GJA4: variants seen among roughly 807,000 people sequenced by gnomAD.
GJA4 encodes gap junction alpha-4 protein.
Under a neutral mutation model 25.1 loss-of-function variants are expected in GJA4, and 13 were observed. The ratio of observed to expected loss-of-function variants is 0.52; its 90% confidence interval spans 0.34 to 0.82. The LOEUF (loss-of-function observed/expected upper bound fraction) is 0.82, where lower values mean the gene tolerates loss of function less well. Among genes scored for constraint, GJA4 ranks in the 40% least tolerant of loss-of-function variants. The pLI, the probability that GJA4 is intolerant of heterozygous loss-of-function variation, is 0.02. For missense variants in GJA4, 357 were observed against 443.5 expected (o/e 0.80, Z 1.75); for synonymous variants, 167 against 193.9 (o/e 0.86, Z 1.15).
intron 1 of GJA4, among the ~76,000 whole-genome samples, chr1:34,793,372 C>T (rs1335678694): frequency 2.0e-5 from 3 of 152,274 alleles, no homozygotes; most frequent in African/African-American, 7.2e-5. Flanking sequence ...AGGGCCGCTT[C>T]CAGAGCCTGG....
In GJA4 at chr1:34,794,336, C is replaced by T. The variant is rs745804407; in HGVS notation, c.123C>T (p.Gly41=). The T allele has an allele frequency of 2.7e-5, 43 of 1,614,070 alleles. No individual in the cohort carries two copies. The Middle Eastern group carries it at 4.9e-4, about 19-fold the overall frequency. The change falls in exon 2 of 2, where the codon GGC becomes GGT. Residue 41 remains glycine (G), a synonymous_variant. Transcript: ENST00000342280. This position sits in a 1 kb window ranked among gnomAD's most constrained non-coding sequence, Gnocchi z 7.8. The part of the protein sequence containing the change: ...IFRILILGLA[G]ESVWGDEQSD... Reference sequence around the variant, plus strand: ...GCATCCTCATCCTGGGCCTGGCCGGCGAGTCAGTGTGGGGTGACGAGCAAT... The same window carrying T: ...GCATCCTCATCCTGGGCCTGGCCGGTGAGTCAGTGTGGGGTGACGAGCAAT...
chr1:34,794,877 G>A lies in GJA4; in HGVS notation c.664G>A (p.Val222Met). Reference sequence around the variant, plus strand: ...GTTGGTGGTTGGACTCATCTCCCTGGTGCTTAACCTGCTGGAGTTGGTGCA... The same window carrying A: ...GTTGGTGGTTGGACTCATCTCCCTGATGCTTAACCTGCTGGAGTTGGTGCA... ...FMLVVGLISL[V>M]LNLLELVHLL... Residue 222 changes from valine to methionine, a missense_variant, in exon 2 of 2, where the codon GTG (valine) becomes ATG (methionine). Physicochemically the swap from Val to Met is conservative, Grantham distance 21 (BLOSUM62 1). This residue lies in a region of GJA4 where 278 missense variants were observed against 298.1 expected (regional missense o/e 0.93). Coordinates refer to ENST00000342280, the MANE Select transcript of GJA4 (RefSeq NM_002060.3). The surrounding 1 kb of genome is among the most constrained non-coding windows in gnomAD (Gnocchi z 7.8). The A allele has an allele frequency of 1.2e-6, 2 of 1,614,172 alleles. No homozygotes were observed. Among genetic ancestry groups the A allele is most frequent in the South Asian group, 1.1e-5 (1 of 91,090 alleles).
chr1:34,793,156 G>T (rs1640211556), intron 1 of GJA4, 88 bp downstream of exon 1: 1 of 250,142 alleles, frequency 4.0e-6, no homozygotes, highest in Non-Finnish European at 7.9e-6. Flanking sequence ...CCGGGACGGG[G>T]GTTGCTGCGG....
rs747059385 is a variant in GJA4 at position 34,795,240 on chromosome 1, C to T, written c.*25C>T. 2 of 1,533,048 alleles carry T rather than the reference C, an allele frequency of 1.3e-6. No individual in the cohort carries two copies. Among genetic ancestry groups the T allele is most frequent in the South Asian group, 2.5e-5 (2 of 81,224 alleles). The allele number at this position is 1,533,048 out of a possible 1,614,324, so 95.0% of individuals were successfully genotyped here. A position where few individuals can be genotyped will look rare whatever the true frequency, so the allele number is the denominator to read the frequency against. ...GAGGCCTGTGGCTTATGTCACCCAA[C>T]AGAGGGGTCCTGAGAAGTCTGGCTG... is the stretch of plus-strand genomic sequence containing the variant. On this transcript the variant is annotated 3_prime_UTR_variant, in exon 2 of 2. Coordinates refer to ENST00000342280, the MANE Select transcript of GJA4 (RefSeq NM_002060.3).
chr1:34,794,446 G>A lies in GJA4; in HGVS notation c.233G>A (p.Trp78Ter). ...QAFPISHIRYWVLQFLFVSTP... is the reference protein window; with the variant it reads ...QAFPISHIRY Reference sequence around the variant, plus strand: ...TTCCCCATCTCCCACATCCGCTACTGGGTGCTGCAGTTCCTCTTCGTCAGC... The same window carrying A: ...TTCCCCATCTCCCACATCCGCTACTAGGTGCTGCAGTTCCTCTTCGTCAGC... Residue 78 changes from tryptophan to a stop codon, truncating the protein, a stop_gained, in exon 2 of 2, where the codon TGG (tryptophan) becomes TAG (stop). Coordinates refer to ENST00000342280, the MANE Select transcript of GJA4 (RefSeq NM_002060.3). LOFTEE classifies it high-confidence loss of function. The surrounding 1 kb of genome is among the most constrained non-coding windows in gnomAD (Gnocchi z 7.8). 1 of 1,614,196 alleles carries A rather than the reference G, an allele frequency of 6.2e-7. No individual in the cohort carries two copies. The highest frequency in any genetic ancestry group is 8.5e-7 in the Non-Finnish European group (1 of 1,180,034).
At position 34,795,527 on chromosome 1, in the gene GJA4, C is replaced by T. The variant is rs1052271429; in HGVS notation, c.*312C>T. ...CTGATCCAGAGGAACCCAGAGCCAA[C>T]TTACCCCAACCTCACCCTATGGAAC... On this transcript the variant is annotated 3_prime_UTR_variant, in exon 2 of 2. Transcript: ENST00000342280. The T allele has an allele frequency of 2.2e-4, 73 of 325,642 alleles. No individual in the cohort carries two copies. Among genetic ancestry groups the T allele is most frequent in the Non-Finnish European group, 6.5e-5 (11 of 168,714 alleles). The allele number at this position is 325,642 out of a possible 1,614,324, so 20.2% of individuals were successfully genotyped here. A position where few individuals can be genotyped will look rare whatever the true frequency, so the allele number is the denominator to read the frequency against.
At position 34,794,933 on chromosome 1, in the gene GJA4, G is replaced by A. The variant is rs1313527389; in HGVS notation, c.720G>A (p.Met240Ile). ...TGTGTCGCTGCCTCAGCCGGGGGAT[G>A]AGGGCACGGCAAGGCCAAGACGCAC... Reference protein sequence around the residue: ...HLLCRCLSRGMRARQGQDAPP... With the variant: ...HLLCRCLSRGIRARQGQDAPP... Residue 240 changes from methionine to isoleucine, a missense_variant, in exon 2 of 2, where the codon ATG becomes ATA. Physicochemically the swap from Met to Ile is conservative, Grantham distance 10 (BLOSUM62 1). This residue lies in a region of GJA4 where 278 missense variants were observed against 298.1 expected (regional missense o/e 0.93). Coordinates refer to ENST00000342280, the MANE Select transcript of GJA4 (RefSeq NM_002060.3). This position sits in a 1 kb window ranked among gnomAD's most constrained non-coding sequence, Gnocchi z 7.8. 3.1e-6 allele frequency: 5 copies of A among 1,614,156 alleles called. No homozygotes were observed. The highest frequency in any genetic ancestry group is 1.7e-5 in the Admixed American group (1 of 60,030).
Position 34,793,011 on chromosome 1 carries a change from G to A in GJA4, c.-75G>A. The A allele has an allele frequency of 2.9e-6, 1 of 343,510 alleles. No homozygotes were observed. The highest frequency in any genetic ancestry group is 2.2e-5 in the South Asian group (1 of 46,070). 21.3% of individuals were successfully genotyped at this position (343,510 alleles called of 1,614,324 possible). A position where few individuals can be genotyped will look rare whatever the true frequency, so the allele number is the denominator to read the frequency against. ...GCTCGTGCGGTCCAGCAGGGCTCCC[G>A]CGGGCGTCACTCCGGCCATCGTCCC... is the stretch of plus-strand genomic sequence containing the variant. On this transcript the variant is annotated 5_prime_UTR_variant, in exon 1 of 2. Coordinates refer to ENST00000342280, the MANE Select transcript of GJA4 (RefSeq NM_002060.3).
At position 34,794,171 on chromosome 1, in the gene GJA4, C is replaced by T. The variant is rs775709361; in HGVS notation, c.-17-26C>T. 1.3e-6 allele frequency: 2 copies of T among 1,578,816 alleles called. No individual in the cohort carries two copies. Among genetic ancestry groups the T allele is most frequent in the South Asian group, 2.3e-5 (2 of 86,572 alleles). On this transcript the variant is annotated intron_variant, in intron 1 of 1. Transcript: ENST00000342280. The surrounding 1 kb of genome is among the most constrained non-coding windows in gnomAD (Gnocchi z 7.8). ...GAACGAGAAGGATGCCATGCTGACA[C>T]ACTGACGTGCTCTGTCTCCTTGCAG...
At chr1:34,793,923 C>T (rs894513588) in intron 1 of GJA4, among the ~76,000 whole-genome samples, 4 of 152,188 alleles carry the variant, frequency 2.6e-5, no homozygotes, top group Admixed American at 2.6e-4. Context: ...GGGGCAGTGG[C>T]TCGGGGACAA....
At position 34,795,175 on chromosome 1, in the gene GJA4, G is replaced by T. The variant is rs1185869795; in HGVS notation, c.962G>T (p.Ser321Ile). The change falls in exon 2 of 2, where the codon AGT (serine) becomes ATT (isoleucine). Residue 321 changes from serine (S) to isoleucine (I), a missense_variant. Physicochemically the swap from Ser to Ile is moderately radical, Grantham distance 142 (BLOSUM62 -2). Coordinates refer to ENST00000342280, the MANE Select transcript of GJA4 (RefSeq NM_002060.3). Reference protein sequence around the residue: ...PPPQNGQKPPSRPSSSASKKQ... With the variant: ...PPPQNGQKPPIRPSSSASKKQ... ...CCTCAGAATGGCCAAAAACCCCCAA[G>T]TCGTCCCAGCAGCTCTGCTTCTAAG... 2 of 1,612,846 alleles carry T rather than the reference G, an allele frequency of 1.2e-6. No individual in the cohort carries two copies. Among genetic ancestry groups the T allele is most frequent in the South Asian group, 2.2e-5 (2 of 90,990 alleles).
rs1053528628 is a variant in GJA4 at position 34,795,522 on chromosome 1, G to A, written c.*307G>A. On this transcript the variant is annotated 3_prime_UTR_variant, in exon 2 of 2. Transcript: ENST00000342280. ...TGCAGCTGATCCAGAGGAACCCAGAGCCAACTTACCCCAACCTCACCCTAT... is the reference window on the plus strand; with the variant it reads ...TGCAGCTGATCCAGAGGAACCCAGAACCAACTTACCCCAACCTCACCCTAT... 1 of 333,996 alleles carries A rather than the reference G, an allele frequency of 3.0e-6. No homozygotes were observed. The highest frequency in any genetic ancestry group is 2.1e-5 in the African/African-American group (1 of 46,822). The allele number at this position is 333,996 out of a possible 1,614,324, so 20.7% of individuals were successfully genotyped here.
At chr1:34,793,238 C>T (rs1640213632) in intron 1 of GJA4, among the ~76,000 whole-genome samples, 170 bp downstream of exon 1, 1 of 152,270 alleles carries the variant, frequency 6.6e-6, no homozygotes, top group Non-Finnish European at 1.5e-5. Flanking sequence ...TCCATGGAAT[C>T]CTTGTAACAA....
In GJA4 at chr1:34,794,990, C is replaced by T. The variant is rs1377298188; in HGVS notation, c.777C>T (p.Tyr259=). 1.9e-6 allele frequency: 3 copies of T among 1,613,914 alleles called. No homozygotes were observed. The highest frequency in any genetic ancestry group is 2.5e-6 in the Non-Finnish European group (3 of 1,179,962). Residue 259 remains tyrosine (Y), a synonymous_variant, in exon 2 of 2, where the codon TAC becomes TAT. Transcript: ENST00000342280. This position sits in a 1 kb window ranked among gnomAD's most constrained non-coding sequence, Gnocchi z 7.8. ...PPTQGTSSDP[Y]TDQVFFYLPV... ...CCCAGGGCACCTCCTCAGACCCTTA[C>T]ACGGACCAGGTCTTCTTCTACCTCC...
At position 34,794,465 on chromosome 1, in the gene GJA4, C is replaced by T. The variant is rs148477177; in HGVS notation, c.252C>T (p.Phe84=). Residue 84 remains phenylalanine, a synonymous_variant, in exon 2 of 2, where the codon TTC becomes TTT. Coordinates refer to ENST00000342280, the MANE Select transcript of GJA4 (RefSeq NM_002060.3). The surrounding 1 kb of genome is among the most constrained non-coding windows in gnomAD (Gnocchi z 7.8). ...HIRYWVLQFL[F]VSTPTLVYLG... Reference sequence around the variant, plus strand: ...GCTACTGGGTGCTGCAGTTCCTCTTCGTCAGCACACCCACCCTGGTCTACC... The same window carrying T: ...GCTACTGGGTGCTGCAGTTCCTCTTTGTCAGCACACCCACCCTGGTCTACC... 364 of 1,614,188 alleles carry T rather than the reference C, an allele frequency of 2.3e-4. 5 individuals carry two copies. The South Asian group carries it at 3.1e-3, about 14-fold the overall frequency.
At position 34,795,116 on chromosome 1, in the gene GJA4, G is replaced by A. The variant is rs113974864; in HGVS notation, c.903G>A (p.Ala301=). 9.7e-5 allele frequency: 157 copies of A among 1,613,314 alleles called. 1 individual carries two copies. The highest frequency in any genetic ancestry group is 5.5e-4 in the Admixed American group (33 of 60,006). ...ACCTGACCACAGAGGAGAGGCTGGC[G>A]TCTTCCAGGCCCCCTCTCTTCCTGG... ...WANLTTEERL[A]SSRPPLFLDP... Residue 301 remains alanine, a synonymous_variant, in exon 2 of 2, where the codon GCG becomes GCA. Transcript: ENST00000342280.
intron 1 of GJA4, 65 bp downstream of exon 1, chr1:34,793,133 G>C: frequency 3.8e-6 from 1 of 263,458 alleles, no homozygotes; most frequent in Non-Finnish European, 7.5e-6. Flanking sequence ...GAGGAGTCTT[G>C]GGTCCTCCGA....
At position 34,794,910 on chromosome 1, in the gene GJA4, T is replaced by C; in HGVS notation, c.697T>C (p.Cys233Arg). 6.2e-7 allele frequency: 1 copy of C among 1,614,196 alleles called. No individual in the cohort carries two copies. ...CCTGCTGGAGTTGGTGCACCTGCTG[T>C]GTCGCTGCCTCAGCCGGGGGATGAG... is the stretch of plus-strand genomic sequence containing the variant. The part of the protein sequence containing the change: ...LNLLELVHLL[C>R]RCLSRGMRAR... The change falls in exon 2 of 2, where the codon TGT becomes CGT. Residue 233 changes from cysteine to arginine, a missense_variant. Coordinates refer to ENST00000342280, the MANE Select transcript of GJA4 (RefSeq NM_002060.3). This position sits in a 1 kb window ranked among gnomAD's most constrained non-coding sequence, Gnocchi z 7.8.
rs1438080184 is a variant in GJA4 at position 34,794,442 on chromosome 1, T to C, written c.229T>C (p.Tyr77His). ...DQAFPISHIR[Y>H]WVLQFLFVST... Reference sequence around the variant, plus strand: ...GGCCTTCCCCATCTCCCACATCCGCTACTGGGTGCTGCAGTTCCTCTTCGT... The same window carrying C: ...GGCCTTCCCCATCTCCCACATCCGCCACTGGGTGCTGCAGTTCCTCTTCGT... The change falls in exon 2 of 2, where the codon TAC becomes CAC. Residue 77 changes from tyrosine (Y) to histidine (H), a missense_variant. Around this residue, in one of 2 missense-constraint regions of GJA4, gnomAD observed 79 missense variants for 145.4 expected, o/e 0.54. Coordinates refer to ENST00000342280, the MANE Select transcript of GJA4 (RefSeq NM_002060.3). This position sits in a 1 kb window ranked among gnomAD's most constrained non-coding sequence, Gnocchi z 7.8. 4 of 1,614,196 alleles carry C rather than the reference T, an allele frequency of 2.5e-6. No individual in the cohort carries two copies. The East Asian group carries it at 8.9e-5, about 36-fold the overall frequency.
Sources: allele counts gnomAD v4.1 joint callset (sites outside exome capture counted in the v4.1 genomes callset), GRCh38; gene constraint gnomAD v4.1.1; regional missense constraint gnomAD v4.1.1; non-coding constraint Gnocchi (gnomAD v3.1); transcripts MANE v1.5; gene names NCBI Gene and HGNC (gene_info 2026-07-23, HGNC 2026-07-21).